SLC10A7: variants seen among roughly 807,000 people sequenced by gnomAD.
The protein encoded by SLC10A7 is sodium/bile acid cotransporter 7.
In SLC10A7, 29 loss-of-function variants were observed where a neutral mutation model predicts 43.2. That is an observed-to-expected ratio of 0.67 (90% CI 0.50 to 0.92). The LOEUF is 0.92. SLC10A7 is among the 40% of genes least tolerant of loss of function. The pLI, the probability that SLC10A7 is intolerant of heterozygous loss-of-function variation, is 0.00. For synonymous variants in SLC10A7, 152 were observed against 144.8 expected, an observed-to-expected ratio of 1.05 and a Z score of -0.35; for missense variants, 295 against 403.2, an observed-to-expected ratio of 0.73 and a Z score of 2.30.
intron 1 of SLC10A7, among the ~76,000 whole-genome samples, chr4:146,517,779 G>C (rs1242834672): frequency 6.6e-6 from 1 of 152,100 alleles, no homozygotes; most frequent in African/African-American, 2.4e-5. Flanking sequence ...CGAGCCCAAA[G>C]AAGGGAATCA....
chr4:146,366,578 G>A (rs1000108400), intron 5 of SLC10A7, among the ~76,000 whole-genome samples: 7 of 152,100 alleles, frequency 4.6e-5, no homozygotes, highest in Non-Finnish European at 5.9e-5. Context: ...GCCATACTTA[G>A]CTGCCAATGT....
intron 1 of SLC10A7, among the ~76,000 whole-genome samples, chr4:146,517,769 C>T (rs554445689): frequency 6.6e-6 from 1 of 152,136 alleles, no homozygotes; most frequent in Non-Finnish European, 1.5e-5. Flanking sequence ...AAAATACCCC[C>T]GAGCCCAAAG....
chr4:146,394,343 G>A (rs1273928187), intron 5 of SLC10A7, among the ~76,000 whole-genome samples: 4 of 152,080 alleles, frequency 2.6e-5, no homozygotes, highest in Non-Finnish European at 5.9e-5. Context: ...ACAAAGAAAT[G>A]GCCAAGGTAT....
intron 5 of SLC10A7, among the ~76,000 whole-genome samples, chr4:146,394,614 G>A (rs553955641): frequency 2.6e-5 from 4 of 152,050 alleles, no homozygotes; most frequent in South Asian, 2.1e-4. Context: ...CATCCGCCTC[G>A]GCCTCCCAAA....
intron 5 of SLC10A7, among the ~76,000 whole-genome samples, chr4:146,438,531 G>A (rs1020835457): frequency 6.6e-6 from 1 of 151,886 alleles, no homozygotes; most frequent in African/African-American, 2.4e-5. Context: ...GTGTTCTAAT[G>A]TTTATAACAT....
intron 5 of SLC10A7, among the ~76,000 whole-genome samples, chr4:146,371,979 A>G (rs1736813344): frequency 6.6e-6 from 1 of 152,116 alleles, no homozygotes; most frequent in Non-Finnish European, 1.5e-5. Context: ...TCCCGGAAGC[A>G]ATGTTTTATG....
At chr4:146,515,949 T>A (rs1737924300) in intron 2 of SLC10A7, among the ~76,000 whole-genome samples, 1 of 149,298 alleles carries the variant, frequency 6.7e-6, no homozygotes. Flanking sequence ...ATGAAAAGAT[T>A]TATACCAACC....
At chr4:146,356,047 A>AT (rs1553961375) in intron 5 of SLC10A7, among the ~76,000 whole-genome samples, 79 of 123,450 alleles carry the variant, frequency 6.4e-4, no homozygotes, top group East Asian at 2.9e-3. Context: ...AATAAAAAAA[A>AT]AAAAATATAT....
intron 6 of SLC10A7, among the ~76,000 whole-genome samples, chr4:146,313,340 T>C (rs1438159314): frequency 2.0e-5 from 3 of 152,176 alleles, no homozygotes; most frequent in Admixed American, 6.5e-5. Flanking sequence ...TAGTCCTTAA[T>C]GGGGGAAGAA....
chr4:146,270,183 T>G (rs181111105), intron 10 of SLC10A7, among the ~76,000 whole-genome samples: 93 of 152,282 alleles, frequency 6.1e-4, no homozygotes, highest in African/African-American at 2.2e-3. Flanking sequence ...TTGGCCTTTA[T>G]TTATTCTCAA....
chr4:146,504,363 C>G (rs1736701907), intron 3 of SLC10A7, among the ~76,000 whole-genome samples: 1 of 151,762 alleles, frequency 6.6e-6, no homozygotes, highest in Non-Finnish European at 1.5e-5. Context: ...ACTAAAAGTA[C>G]AAAAAATTAG....
chr4:146,398,703 C>T (rs1739008755), intron 5 of SLC10A7, among the ~76,000 whole-genome samples: 1 of 152,062 alleles, frequency 6.6e-6, no homozygotes, highest in Admixed American at 6.6e-5. Flanking sequence ...CAGAAACAAA[C>T]AACAAGTACA....
At chr4:146,309,738 C>G (rs943730675) in intron 6 of SLC10A7, among the ~76,000 whole-genome samples, 1 of 152,190 alleles carries the variant, frequency 6.6e-6, no homozygotes, top group Non-Finnish European at 1.5e-5. Context: ...GTCTCCCAAT[C>G]AGTTGTCTTC....
chr4:146,433,129 T>C (rs886312108), intron 5 of SLC10A7, among the ~76,000 whole-genome samples: 18 of 151,144 alleles, frequency 1.2e-4, no homozygotes, highest in Admixed American at 6.0e-4. Context: ...CAGAGAAAAA[T>C]TTTTGCAAGA....
chr4:146,378,827 C>G (rs1737394633), intron 5 of SLC10A7, among the ~76,000 whole-genome samples: 1 of 152,174 alleles, frequency 6.6e-6, no homozygotes, highest in South Asian at 2.1e-4. Flanking sequence ...TCCTGTACTT[C>G]ACATTTTAGC....
chr4:146,450,891 T>C (rs1316527235), intron 4 of SLC10A7, among the ~76,000 whole-genome samples: 1 of 151,916 alleles, frequency 6.6e-6, no homozygotes, highest in Non-Finnish European at 1.5e-5. Context: ...GATTACCAGA[T>C]AACACAACCT....
intron 10 of SLC10A7, among the ~76,000 whole-genome samples, chr4:146,280,535 AAAAC>A (rs1729483512): frequency 1.3e-5 from 2 of 152,186 alleles, no homozygotes; most frequent in African/African-American, 2.4e-5. Context: ...ATTAAAAATA[AAAAC>A]AAACAAAAAA....
chr4:146,490,373 T>C (rs1346462811), intron 4 of SLC10A7, among the ~76,000 whole-genome samples: 1 of 146,074 alleles, frequency 6.8e-6, no homozygotes, highest in Non-Finnish European at 1.5e-5. Context: ...CATATCAGTC[T>C]AATGGGTTAT....
chr4:146,384,733 T>TA (rs1317438420), intron 5 of SLC10A7, among the ~76,000 whole-genome samples: 1 of 152,184 alleles, frequency 6.6e-6, no homozygotes, highest in South Asian at 2.1e-4. Context: ...AATCTTATGT[T>TA]AAAATATAAT....
Sources: gnomAD v4.1 joint callset for allele counts (sites outside exome capture counted in the v4.1 genomes callset) on GRCh38, gnomAD v4.1.1 for gene constraint, MANE v1.5 for transcripts, NCBI Gene and HGNC (gene_info 2026-07-23, HGNC 2026-07-21) for gene names.